TMCO4: variants seen among roughly 807,000 people sequenced by gnomAD.
The protein encoded by TMCO4 is transmembrane and coiled-coil domain-containing protein 4.
TMCO4 carries 58 observed loss-of-function variants against 64.7 expected under a neutral mutation model. The observed-to-expected ratio is 0.90, with a 90% CI of 0.73 to 1.12. The LOEUF (loss-of-function observed/expected upper bound fraction) is 1.12. Among genes scored for constraint, TMCO4 ranks in the 50% most tolerant of loss-of-function variants. TMCO4 has a pLI of 0.00. For synonymous variants in TMCO4, 325 were observed against 346.1 expected, an observed-to-expected ratio of 0.94 and a Z score of 0.68; for missense variants, 780 against 825.9, an observed-to-expected ratio of 0.94 and a Z score of 0.68.
chr1:19,747,135 G>C (rs374295058), intron 8 of TMCO4, 28 bp downstream of exon 8: 6 of 1,608,272 alleles, frequency 3.7e-6, no homozygotes, highest in South Asian at 3.3e-5. Flanking sequence ...AAACCCAGAC[G>C]TGTGCCACCA....
In TMCO4 at chr1:19,732,770, T is replaced by G. The variant is rs1395286475; in HGVS notation, c.1264+4602A>C. Reference sequence around the variant, plus strand: ...TTAGAGTTTTCTGGGCCCAAGTTCTTTTTTCTGAAGGTGACTACAGGGGGA... The same window carrying G: ...TTAGAGTTTTCTGGGCCCAAGTTCTGTTTTCTGAAGGTGACTACAGGGGGA... On this transcript the variant is annotated intron_variant, in intron 13 of 15. Transcript: ENST00000294543. This position sits in a 1 kb window ranked among gnomAD's most constrained non-coding sequence, Gnocchi z 4.8. 6.6e-6 allele frequency among the ~76,000 whole-genome samples: 1 copy of G among 152,050 alleles called. No individual in the cohort carries two copies. The highest frequency in any genetic ancestry group is 2.4e-5 in the African/African-American group (1 of 41,422).
rs150493372 is a variant in TMCO4, at chr1:19,727,798, T to G, written c.1264+9574A>C. 9.0e-3 allele frequency among the ~76,000 whole-genome samples: 1,365 copies of G among 152,090 alleles called. 26 individuals are homozygous for G. The highest frequency in any genetic ancestry group is 0.03 in the African/African-American group (1,263 of 41,476). On this transcript the variant is annotated intron_variant, in intron 13 of 15. Coordinates refer to ENST00000294543, the MANE Select transcript of TMCO4 (RefSeq NM_181719.7). ...TATTCACAATAGCAAAGACATGGAG[T>G]CAACCTAAATGCCCATCAATGGTAG...
chr1:19,683,045 C>A lies in TMCO4; in HGVS notation c.1900G>T (p.Asp634Tyr). Residue 634 changes from aspartate (D) to tyrosine (Y), a missense_variant, in exon 16 of 16, where the codon GAC becomes TAC. Transcript: ENST00000294543. ...GCTCAGGTCCCCTGCTGTGGTCAGT[C>A]CAGCCCCGTGCTGGGGCCCTGGGTC... is the stretch of plus-strand genomic sequence containing the variant. ...CKTQGPSTGL[D>Y] is the part of the protein sequence containing the mutation. 6.3e-7 allele frequency: 1 copy of A among 1,583,946 alleles called. No homozygotes were observed. Among genetic ancestry groups the A allele is most frequent in the Non-Finnish European group, 8.6e-7 (1 of 1,166,230 alleles).
At chr1:19,774,580 G>A (rs2043130310) in intron 4 of TMCO4, among the ~76,000 whole-genome samples, 1 of 152,150 alleles carries the variant, frequency 6.6e-6, no homozygotes, top group African/African-American at 2.4e-5. Context: ...CAAAGTGCCA[G>A]CACAGCAATT....
At chr1:19,746,768 C>G (rs1000258923) in intron 8 of TMCO4, among the ~76,000 whole-genome samples, 169 bp from the exon 9 acceptor site, 10 of 151,876 alleles carry the variant, frequency 6.6e-5, no homozygotes, top group African/African-American at 2.4e-4. Flanking sequence ...ACTAAAAACA[C>G]AAAAAATTAG....
intron 13 of TMCO4, among the ~76,000 whole-genome samples, chr1:19,709,870 C>A (rs1384043979): frequency 6.6e-6 from 1 of 150,984 alleles, no homozygotes; most frequent in African/African-American, 2.4e-5. Flanking sequence ...TACACTGCAA[C>A]CTCCACCTCC....
chr1:19,703,316 G>C lies in TMCO4; in HGVS notation c.1265-2431C>G, dbSNP rs561812595. Among the ~76,000 whole-genome samples, 3 of 152,210 alleles carry C rather than the reference G, an allele frequency of 2.0e-5. No individual in the cohort carries two copies. The East Asian group carries it at 5.8e-4, about 29-fold the overall frequency. On this transcript the variant is annotated intron_variant, in intron 13 of 15. Coordinates refer to ENST00000294543, the MANE Select transcript of TMCO4 (RefSeq NM_181719.7). ...CTTATAGGGTCTTTATGAGGATTAAGTCACATGGGAAAAACCCCAGCATAG... is the reference window on the plus strand; with the variant it reads ...CTTATAGGGTCTTTATGAGGATTAACTCACATGGGAAAAACCCCAGCATAG...
At chr1:19,745,920 T>C (rs562368512) in intron 9 of TMCO4, among the ~76,000 whole-genome samples, 10 of 152,344 alleles carry the variant, frequency 6.6e-5, no homozygotes, top group Admixed American at 6.5e-4. Flanking sequence ...CCCATTGCTC[T>C]GCCCTGGTTC....
At chr1:19,718,418 C>T (rs893717879) in intron 13 of TMCO4, among the ~76,000 whole-genome samples, 2 of 151,432 alleles carry the variant, frequency 1.3e-5, no homozygotes, top group Admixed American at 1.3e-4. Flanking sequence ...TTTGGGAGGT[C>T]GAGGTGGGAG....
At chr1:19,698,180 G>A (rs575925850) in intron 14 of TMCO4, among the ~76,000 whole-genome samples, 1 of 152,302 alleles carries the variant, frequency 6.6e-6, no homozygotes, top group Admixed American at 6.5e-5. Flanking sequence ...CACTCACAAG[G>A]CCTCGAGCCA....
chr1:19,750,725 C>T (rs1342452558), intron 7 of TMCO4, among the ~76,000 whole-genome samples: 1 of 152,222 alleles, frequency 6.6e-6, no homozygotes, highest in Non-Finnish European at 1.5e-5. Flanking sequence ...ACTGAGCTGT[C>T]TCCAGTCACC....
chr1:19,791,426 A>G (rs935470495), intron 2 of TMCO4, among the ~76,000 whole-genome samples: 1 of 151,966 alleles, frequency 6.6e-6, no homozygotes, highest in Non-Finnish European at 1.5e-5. Context: ...GGAATGGGGG[A>G]GCCCATGGTT....
chr1:19,777,906 A>G (rs2043283282), intron 4 of TMCO4, among the ~76,000 whole-genome samples: 1 of 152,160 alleles, frequency 6.6e-6, no homozygotes, highest in African/African-American at 2.4e-5. Context: ...GCATGGTGGC[A>G]TGCATCTGTA....
At chr1:19,765,631 A>C (rs2042702538) in intron 6 of TMCO4, among the ~76,000 whole-genome samples, 1 of 152,066 alleles carries the variant, frequency 6.6e-6, no homozygotes, top group South Asian at 2.1e-4. Context: ...GATTTAGTTT[A>C]ACTTTCATCA....
At chr1:19,728,909 T>C (rs1369762456) in intron 13 of TMCO4, among the ~76,000 whole-genome samples, 1 of 152,212 alleles carries the variant, frequency 6.6e-6, no homozygotes, top group Non-Finnish European at 1.5e-5. Flanking sequence ...GGCTGAGATC[T>C]TAGCTGAGGA....
At chr1:19,711,442 G>A (rs1450780927) in intron 13 of TMCO4, among the ~76,000 whole-genome samples, 3 of 152,192 alleles carry the variant, frequency 2.0e-5, no homozygotes, top group African/African-American at 7.2e-5. Context: ...AGTGAGAAAT[G>A]TGTGATGTTT....
chr1:19,682,384 A>C lies in TMCO4; in HGVS notation c.*656T>G. 1 of 521,862 alleles carries C rather than the reference A, an allele frequency of 1.9e-6. No homozygotes were observed. The allele number at this position is 521,862 out of a possible 1,614,324, so 32.3% of individuals were successfully genotyped here. A position where few individuals can be genotyped will look rare whatever the true frequency, so the allele number is the denominator to read the frequency against. ...CAGCATGTATTCACCATGCTCTGTT[A>C]GTGGTGTCCAGATGTTGCATGACGG... On this transcript the variant is annotated 3_prime_UTR_variant, in exon 16 of 16. Transcript: ENST00000294543.
chr1:19,785,983 G>C (rs961018071), intron 3 of TMCO4, among the ~76,000 whole-genome samples: 10 of 152,224 alleles, frequency 6.6e-5, no homozygotes, highest in Non-Finnish European at 1.0e-4. Context: ...TGGTGGCTGG[G>C]CACAGTGGCT....
intron 6 of TMCO4, among the ~76,000 whole-genome samples, chr1:19,757,460 AG>A (rs1295132133): frequency 6.6e-6 from 1 of 152,178 alleles, no homozygotes; most frequent in African/African-American, 2.4e-5. Flanking sequence ...TGGAAAGCCC[AG>A]GATAGCTTCC....
Sources: gnomAD v4.1 joint callset for allele counts (sites outside exome capture counted in the v4.1 genomes callset) on GRCh38, gnomAD v4.1.1 for gene constraint, Gnocchi (gnomAD v3.1) non-coding constraint, MANE v1.5 for transcripts, NCBI Gene and HGNC (gene_info 2026-07-23, HGNC 2026-07-21) for gene names.